The following FRMD4A variants were observed in gnomAD, a reference collection of about 807,000 sequenced individuals.
FRMD4A encodes the protein FERM domain-containing protein 4A.
Under a neutral mutation model 129.1 loss-of-function variants are expected in FRMD4A, and 29 were observed. The ratio of observed to expected loss-of-function variants is 0.22; its 90% CI spans 0.17 to 0.31. The LOEUF (loss-of-function observed/expected upper bound fraction) is 0.31, where lower values mean the gene tolerates loss of function less well. FRMD4A is among the 10% of genes least tolerant of loss of function. The pLI is 1.00. For missense variants in FRMD4A, 1,272 were observed against 1,375.8 expected, an observed-to-expected ratio of 0.92 and a Z score of 1.19; for synonymous variants, 634 against 571.6, an observed-to-expected ratio of 1.11 and a Z score of -1.56.
chr10:13,989,915 C>T (rs2095597454), intron 2 of FRMD4A, among the ~76,000 whole-genome samples: 5 of 152,192 alleles, frequency 3.3e-5, no homozygotes, highest in Admixed American at 2.6e-4. Context: ...TTTTCATTTG[C>T]TGAATCTGGC....
intron 2 of FRMD4A, among the ~76,000 whole-genome samples, chr10:14,246,110 A>G (rs112463071): frequency 6.6e-6 from 1 of 152,138 alleles, no homozygotes; most frequent in African/African-American, 2.4e-5. Context: ...CCAAAGACTG[A>G]TGTGGTCCCA....
intron 2 of FRMD4A, among the ~76,000 whole-genome samples, chr10:14,010,603 T>C (rs2095678293): frequency 6.6e-6 from 1 of 151,408 alleles, no homozygotes; most frequent in Non-Finnish European, 1.5e-5. Context: ...AATATCTTTC[T>C]GATTGTCTTG....
intron 2 of FRMD4A, among the ~76,000 whole-genome samples, chr10:14,003,984 C>G (rs2131624565): frequency 6.6e-6 from 1 of 152,296 alleles, no homozygotes; most frequent in South Asian, 2.1e-4. Flanking sequence ...TACTTTACTT[C>G]TGGAATAAAA....
Position 13,784,869 on chromosome 10 carries a change from T to C in FRMD4A, c.300-1863A>G, listed in dbSNP as rs150333788. On this transcript the variant is annotated intron_variant, in intron 5 of 24. Transcript: ENST00000357447. ...AGCCAGGGGTGGGTGTGGGTGCCTG[T>C]AGTCCCAGCTACTTGGGAGGCTGAG... 6.5e-3 allele frequency among the ~76,000 whole-genome samples: 988 copies of C among 151,740 alleles called. 14 individuals are homozygous for C. The highest frequency in any genetic ancestry group is 0.018 in the African/African-American group (742 of 41,330).
At chr10:13,949,238 C>T (rs758942459) in intron 2 of FRMD4A, among the ~76,000 whole-genome samples, 14 of 141,026 alleles carry the variant, frequency 9.9e-5, no homozygotes, top group East Asian at 2.2e-4. Context: ...GGGTGAAAGA[C>T]GTTGTTGGCC....
At chr10:14,191,078 G>A (rs1842303170) in intron 2 of FRMD4A, among the ~76,000 whole-genome samples, 2 of 152,164 alleles carry the variant, frequency 1.3e-5, no homozygotes, top group South Asian at 2.1e-4. Context: ...GTCGCAGTGA[G>A]AGGTTTCTTG....
chr10:14,132,024 G>T (rs751901312), intron 2 of FRMD4A, among the ~76,000 whole-genome samples: 1 of 152,196 alleles, frequency 6.6e-6, no homozygotes, highest in Non-Finnish European at 1.5e-5. Flanking sequence ...GCCAGGTGCA[G>T]TCTGTAATCC....
At chr10:13,895,832 A>C (rs2094751435) in intron 2 of FRMD4A, among the ~76,000 whole-genome samples, 1 of 152,226 alleles carries the variant, frequency 6.6e-6, no homozygotes, top group African/African-American at 2.4e-5. Context: ...GAAAAAAACA[A>C]ACAAGCCCAT....
rs140188914 is a variant in FRMD4A at position 13,920,603 on chromosome 10, G to A, written c.46-61691C>T. 8.6e-4 allele frequency among the ~76,000 whole-genome samples: 131 copies of A among 152,294 alleles called. 1 individual carries two copies. The highest frequency in any genetic ancestry group is 2.8e-3 in the African/African-American group (115 of 41,556). ...CTTGAATTCCACCACACACTTATAG[G>A]TGAATAGTGGAAAACCACTTGTGTC... On this transcript the variant is annotated intron_variant, in intron 2 of 24. Coordinates refer to ENST00000357447, the MANE Select transcript of FRMD4A (RefSeq NM_018027.5).
Position 14,003,793 on chromosome 10 carries a change from A to G in FRMD4A, c.46-144881T>C, listed in dbSNP as rs553299210. 2.0e-5 allele frequency among the ~76,000 whole-genome samples: 3 copies of G among 152,360 alleles called. No homozygotes were observed. In the South Asian group the frequency reaches 6.2e-4, roughly 32 times the overall value. ...TCACTCATTCTTAGGCTTTGCATCT[A>G]TAAAGGTAATCTCCAACATAAAACC... On this transcript the variant is annotated intron_variant, in intron 2 of 24. Coordinates refer to ENST00000357447, the MANE Select transcript of FRMD4A (RefSeq NM_018027.5).
intron 6 of FRMD4A, among the ~76,000 whole-genome samples, chr10:13,766,716 T>G (rs2092299390): frequency 6.6e-6 from 1 of 152,170 alleles, no homozygotes; most frequent in Non-Finnish European, 1.5e-5. Context: ...TCCTTAAGAT[T>G]CTACCACGAT....
chr10:13,926,011 T>G (rs1389224202), intron 2 of FRMD4A, among the ~76,000 whole-genome samples: 1 of 152,100 alleles, frequency 6.6e-6, no homozygotes, highest in East Asian at 1.9e-4. Flanking sequence ...GGAAATCAAC[T>G]TTTTATTTCT....
intron 2 of FRMD4A, among the ~76,000 whole-genome samples, chr10:14,065,279 G>T (rs913265381): frequency 6.6e-6 from 1 of 152,166 alleles, no homozygotes; most frequent in Middle Eastern, 3.2e-3. Context: ...TGCCTCCTGG[G>T]TTGAAGCAAT....
chr10:14,037,560 G>A (rs4415643), intron 2 of FRMD4A, among the ~76,000 whole-genome samples: 4,233 of 152,234 alleles, frequency 0.028, 221 homozygotes, highest in African/African-American at 0.096. Context: ...ATTTGAATAT[G>A]TCACTAATTC....
At position 13,698,373 on chromosome 10, in the gene FRMD4A, G is replaced by A. The variant is rs576895773; in HGVS notation, c.975+2967C>T. On this transcript the variant is annotated intron_variant, in intron 14 of 24. Transcript: ENST00000357447. ...AGTGGCCAGGATACCAGCCAGAACT[G>A]GCTGCCTAGAAATGTTATGAAGCTC... Among the ~76,000 whole-genome samples, 3 of 152,276 alleles carry A rather than the reference G, an allele frequency of 2.0e-5. No homozygotes were observed. The South Asian group carries it at 6.2e-4, about 32-fold the overall frequency.
In FRMD4A at chr10:13,666,273, G is replaced by A. The variant is rs749514510; in HGVS notation, c.1427C>T (p.Thr476Met). The A allele has an allele frequency of 2.0e-5, 33 of 1,613,934 alleles. 1 individual carries two copies. The East Asian group carries it at 2.2e-4, about 11-fold the overall frequency. The change falls in exon 18 of 25, where the codon ACG (threonine) becomes ATG (methionine). Residue 476 changes from threonine to methionine, a missense_variant. Physicochemically the swap from Thr to Met is moderately conservative, Grantham distance 81. Transcript: ENST00000357447. ...EREFAIQSQITEAARRLASDP... is the reference protein window; with the variant it reads ...EREFAIQSQIMEAARRLASDP... ...ACTGGCTAGGCGGCGGGCGGCCTCCGTAATCTGGGACTGAATGGCAAACTC... is the reference window on the plus strand; with the variant it reads ...ACTGGCTAGGCGGCGGGCGGCCTCCATAATCTGGGACTGAATGGCAAACTC...
chr10:14,072,713 C>T (rs57727393), intron 2 of FRMD4A, among the ~76,000 whole-genome samples: 10 of 152,122 alleles, frequency 6.6e-5, no homozygotes, highest in African/African-American at 1.9e-4. Flanking sequence ...GAAGAAACCA[C>T]GCTAATAAGC....
intron 2 of FRMD4A, among the ~76,000 whole-genome samples, chr10:14,105,850 G>A (rs1303896339): frequency 2.0e-5 from 3 of 152,070 alleles, no homozygotes; most frequent in African/African-American, 7.2e-5. Context: ...AATCTCTGTG[G>A]TGTTGTTTAT....
At chr10:13,666,015 A>G in intron 18 of FRMD4A, 82 bp downstream of exon 18, 1 of 797,392 alleles carries the variant, frequency 1.3e-6, no homozygotes, top group South Asian at 1.4e-5. Context: ...CAGGTCGTGC[A>G]GGGACCACTC....
Sources: allele counts gnomAD v4.1 joint callset (sites outside exome capture counted in the v4.1 genomes callset), GRCh38; gene constraint gnomAD v4.1.1; transcripts MANE v1.5; gene names NCBI Gene and HGNC (gene_info 2026-07-23, HGNC 2026-07-21).